The following KNDC1 variants were observed in gnomAD, a reference collection of about 807,000 sequenced individuals.
KNDC1 encodes kinase non-catalytic C-lobe domain-containing protein 1.
In KNDC1, 106 loss-of-function variants were observed where a neutral mutation model predicts 172.8. That is an observed-to-expected ratio of 0.61 (90% CI 0.52 to 0.72). The LOEUF is 0.72. Ranked by LOEUF, KNDC1 falls within the 30% of genes least tolerant of loss-of-function variation. The probability of loss-of-function intolerance (pLI) is 0.00; values close to 1 mark genes in which losing one functional copy is unlikely to be tolerated. For synonymous variants in KNDC1, 1,083 were observed against 1,062.2 expected, an observed-to-expected ratio of 1.02 and a Z score of -0.38; for missense variants, 2,325 against 2,394.5, an observed-to-expected ratio of 0.97 and a Z score of 0.61.
chr10:133,190,029 G>C (rs1034637042), intron 9 of KNDC1, among the ~76,000 whole-genome samples: 13 of 152,230 alleles, frequency 8.5e-5, no homozygotes, highest in African/African-American at 3.1e-4. Flanking sequence ...ATGTGCACTA[G>C]AGCTGCGCCT....
chr10:133,182,971 C>T (rs368852192), intron 3 of KNDC1, among the ~76,000 whole-genome samples: 62 of 142,594 alleles, frequency 4.3e-4, no homozygotes, highest in Non-Finnish European at 8.4e-4. Flanking sequence ...TGGGCACAGG[C>T]GGTGTGGGCA....
At chr10:133,169,768 G>A (rs571680893) in intron 3 of KNDC1, among the ~76,000 whole-genome samples, 65 of 152,300 alleles carry the variant, frequency 4.3e-4, no homozygotes, top group East Asian at 1.7e-3. Flanking sequence ...GACGTGGCAC[G>A]TGGCCTGGTG....
At chr10:133,215,201 C>T (rs556129782) in intron 26 of KNDC1, among the ~76,000 whole-genome samples, 57 of 152,328 alleles carry the variant, frequency 3.7e-4, no homozygotes, top group Non-Finnish European at 7.1e-4. Flanking sequence ...ACAGGACTCC[C>T]GGCCACGAAC....
chr10:133,209,539 C>G lies in KNDC1; in HGVS notation c.3795-1072C>G, dbSNP rs533773684. ...TGGCTTTGTGCATGTGTGTGGTGTG[C>G]GCGTCTGGTTGTCGAGTTCTGTGTG... On this transcript the variant is annotated intron_variant, in intron 20 of 29. Coordinates refer to ENST00000304613, the MANE Select transcript of KNDC1 (RefSeq NM_152643.8). The surrounding 1 kb of genome is among the most constrained non-coding windows in gnomAD (Gnocchi z 4.9). Among the ~76,000 whole-genome samples the G allele has an allele frequency of 2.0e-5, 3 of 151,290 alleles. No individual in the cohort carries two copies. The highest frequency in any genetic ancestry group is 4.4e-5 in the Non-Finnish European group (3 of 67,818).
At chr10:133,162,124 A>G (rs1173533722) in intron 1 of KNDC1, among the ~76,000 whole-genome samples, 2 of 152,208 alleles carry the variant, frequency 1.3e-5, no homozygotes, top group African/African-American at 4.8e-5. Context: ...TGCAGCGTGC[A>G]GTGGGAACGT....
At chr10:133,168,722 G>A (rs1459302012) in intron 3 of KNDC1, among the ~76,000 whole-genome samples, 2 of 152,250 alleles carry the variant, frequency 1.3e-5, no homozygotes, top group African/African-American at 4.8e-5. Flanking sequence ...TCCTCTGAGG[G>A]AGTTAGCAGC....
intron 21 of KNDC1, among the ~76,000 whole-genome samples, chr10:133,210,933 C>A (rs529214383): frequency 6.6e-6 from 1 of 152,272 alleles, no homozygotes; most frequent in Admixed American, 6.5e-5. Flanking sequence ...GGGCGGTGGC[C>A]TGGGCACCTG....
At chr10:133,220,144 G>C in intron 29 of KNDC1, 32 bp downstream of exon 29, 1 of 1,500,774 alleles carries the variant, frequency 6.7e-7, no homozygotes. Context: ...CGCGCGCCCA[G>C]GAGAGGAGGG....
intron 1 of KNDC1, among the ~76,000 whole-genome samples, chr10:133,161,480 C>T (rs942156585): frequency 2.0e-5 from 3 of 152,178 alleles, no homozygotes; most frequent in Non-Finnish European, 4.4e-5. Context: ...GGGCCTGACC[C>T]CCTCGCAGTC....
chr10:133,200,099 A>G (rs1854318160), intron 15 of KNDC1, among the ~76,000 whole-genome samples: 1 of 152,062 alleles, frequency 6.6e-6, no homozygotes, highest in Admixed American at 6.5e-5. Flanking sequence ...GTGTGGAGTA[A>G]ACACAGCTGT....
At chr10:133,164,832 A>AAGGACGTGGGATCCCC (rs1853096339) in intron 1 of KNDC1, among the ~76,000 whole-genome samples, 1 of 152,044 alleles carries the variant, frequency 6.6e-6, no homozygotes, top group Non-Finnish European at 1.5e-5. Flanking sequence ...GGGGGAGCCC[A>AAGGACGTGGGATCCCC]AGGACGTGGG....
intron 9 of KNDC1, among the ~76,000 whole-genome samples, chr10:133,195,033 A>T (rs747762306): frequency 6.6e-6 from 1 of 152,198 alleles, no homozygotes; most frequent in Non-Finnish European, 1.5e-5. Flanking sequence ...ACCAACACTC[A>T]TGTCAGCAGC....
chr10:133,223,978 CGTGT>C (rs527737490), intron 29 of KNDC1, among the ~76,000 whole-genome samples: 32 of 124,238 alleles, frequency 2.6e-4, no homozygotes, highest in East Asian at 2.0e-3. Flanking sequence ...CTCTTCCCGG[CGTGT>C]GTGTGTGTGT....
At chr10:133,220,507 G>A (rs1258453715) in intron 29 of KNDC1, among the ~76,000 whole-genome samples, 2 of 19,856 alleles carry the variant, frequency 1.0e-4, no homozygotes, top group Non-Finnish European at 1.3e-4. Context: ...GTGAGGAGGG[G>A]CTCAGGCGGC....
chr10:133,180,682 C>A (rs992882546), intron 3 of KNDC1, among the ~76,000 whole-genome samples: 3 of 152,238 alleles, frequency 2.0e-5, no homozygotes, highest in African/African-American at 7.2e-5. Context: ...ACACGCACAA[C>A]GTTAGAAGCT....
Position 133,207,416 on chromosome 10 carries a change from G to A in KNDC1, c.3794+65G>A, listed in dbSNP as rs543143189. On this transcript the variant is annotated intron_variant, in intron 20 of 29. Transcript: ENST00000304613. ...GCCCGGGGTGCTGAGAAGAGGGGGG[G>A]AACGTGCCCTCGCCAGTCAGCTAGG... The A allele has an allele frequency of 5.3e-5, 77 of 1,450,648 alleles. No homozygotes were observed. In the African/African-American group the frequency reaches 8.9e-4, roughly 17 times the overall value. 89.9% of individuals were successfully genotyped at this position (1,450,648 alleles called of 1,614,324 possible). A position where few individuals can be genotyped will look rare whatever the true frequency, so the allele number is the denominator to read the frequency against.
Position 133,169,214 on chromosome 10 carries a change from G to A in KNDC1, c.360+902G>A, listed in dbSNP as rs112329159. ...GGTGGCTCACTCCTGTAATCCCAGCGCTCTGGGAGGCTGAGGCGGGCAGAT... is the reference window on the plus strand; with the variant it reads ...GGTGGCTCACTCCTGTAATCCCAGCACTCTGGGAGGCTGAGGCGGGCAGAT... On this transcript the variant is annotated intron_variant, in intron 3 of 29. Coordinates refer to ENST00000304613, the MANE Select transcript of KNDC1 (RefSeq NM_152643.8). 2.6e-5 allele frequency among the ~76,000 whole-genome samples: 4 copies of A among 152,298 alleles called. 1 individual carries two copies. Among genetic ancestry groups the A allele is most frequent in the African/African-American group, 7.2e-5 (3 of 41,578 alleles).
In KNDC1 at chr10:133,184,012, G is replaced by C. The variant is rs764064476; in HGVS notation, c.625+23G>C. ...AGGGTGAGTTCTTGAACCCACACAC[G>C]TGCATCCTCATGCACATATACCTGT... On this transcript the variant is annotated intron_variant, in intron 5 of 29. Coordinates refer to ENST00000304613, the MANE Select transcript of KNDC1 (RefSeq NM_152643.8). 9.5e-6 allele frequency: 13 copies of C among 1,369,842 alleles called. No individual in the cohort carries two copies. The Admixed American group carries it at 2.7e-4, about 29-fold the overall frequency. 84.9% of individuals were successfully genotyped at this position (1,369,842 alleles called of 1,614,324 possible).
chr10:133,206,982 C>A, intron 19 of KNDC1, 29 bp downstream of exon 19: 5 of 1,599,100 alleles, frequency 3.1e-6, no homozygotes, highest in Non-Finnish European at 4.3e-6. Context: ...CCGCTCTGCC[C>A]CGTGAGGCAG....
Sources: allele counts gnomAD v4.1 joint callset (sites outside exome capture counted in the v4.1 genomes callset), GRCh38; gene constraint gnomAD v4.1.1; non-coding constraint Gnocchi (gnomAD v3.1); transcripts MANE v1.5; gene names NCBI Gene and HGNC (gene_info 2026-07-23, HGNC 2026-07-21).